Variants in USP53 observed in about 807,000 individuals in gnomAD.
The protein encoded by USP53 is ubiquitin carboxyl-terminal hydrolase 53.
A neutral mutation model predicts 94.9 loss-of-function variants in USP53; 71 were observed. The observed-to-expected ratio is 0.75, with a 90% CI of 0.62 to 0.91. USP53 has a LOEUF of 0.91. Ranked by LOEUF, USP53 falls within the 40% of genes least tolerant of loss-of-function variation. USP53 has a pLI of 0.00. For synonymous variants in USP53, 375 were observed against 422.7 expected, an observed-to-expected ratio of 0.89 and a Z score of 1.39; for missense variants, 1,173 against 1,281.0, an observed-to-expected ratio of 0.92 and a Z score of 1.29.
At chr4:119,226,557 A>G (rs1051515739) in intron 3 of USP53, among the ~76,000 whole-genome samples, 1 of 152,198 alleles carries the variant, frequency 6.6e-6, no homozygotes, top group Non-Finnish European at 1.5e-5. Context: ...TTAAAAATAT[A>G]TATGTATAAC....
At chr4:119,289,364 T>C (rs1482013616) in intron 17 of USP53, among the ~76,000 whole-genome samples, 1 of 152,228 alleles carries the variant, frequency 6.6e-6, no homozygotes, top group Non-Finnish European at 1.5e-5. Flanking sequence ...ATTATTGTTT[T>C]TGCGTCATCA....
intron 1 of USP53, 93 bp from the exon 2 acceptor site, chr4:119,213,977 C>T (rs998030055): frequency 6.6e-6 from 1 of 152,058 alleles, no homozygotes; most frequent in African/African-American, 2.4e-5. Context: ...CTGATTTTCA[C>T]TATTTAAAAT....
chr4:119,224,453 G>T (rs1448365458), intron 3 of USP53, among the ~76,000 whole-genome samples: 2 of 152,200 alleles, frequency 1.3e-5, no homozygotes, highest in African/African-American at 4.8e-5. Context: ...TTAAACTTGT[G>T]TTTCTTAGCA....
chr4:119,280,021 A>G, intron 17 of USP53, among the ~76,000 whole-genome samples: 1 of 151,940 alleles, frequency 6.6e-6, no homozygotes, highest in East Asian at 1.9e-4. Context: ...AGTGAGATGA[A>G]CCCGGTACCT....
At chr4:119,286,840 T>G (rs1427213530) in intron 17 of USP53, among the ~76,000 whole-genome samples, 1 of 152,070 alleles carries the variant, frequency 6.6e-6, no homozygotes, top group African/African-American at 2.4e-5. Flanking sequence ...CTTTTTTTAA[T>G]CATAAAATAG....
Position 119,293,128 on chromosome 4 carries a change from G to T in USP53, c.3139G>T (p.Asp1047Tyr), listed in dbSNP as rs547356356. ...TTTTTCAGTTGATAGCTGCATGACG[G>T]ATACATATAGATTGAAATACCATCA... ...TYFSVDSCMTDTYRLKYHQRP... is the reference protein window; with the variant it reads ...TYFSVDSCMTYTYRLKYHQRP... The change falls in exon 19 of 19, where the codon GAT (aspartate) becomes TAT (tyrosine). Residue 1047 changes from aspartate (D) to tyrosine (Y), a missense_variant. Asp to Tyr is a radical substitution (Grantham distance 160). Transcript: ENST00000692078. The T allele has an allele frequency of 1.4e-5, 22 of 1,613,538 alleles. No homozygotes were observed. In the South Asian group the frequency reaches 2.3e-4, roughly 17 times the overall value.
intron 9 of USP53, among the ~76,000 whole-genome samples, chr4:119,257,486 A>G (rs942922543): frequency 1.3e-5 from 2 of 152,200 alleles, no homozygotes; most frequent in Non-Finnish European, 2.9e-5. Flanking sequence ...AACATTGAGT[A>G]AGATCATAAA....
intron 4 of USP53, 52 bp from the exon 5 acceptor site, chr4:119,239,166 A>G (rs1747190408): frequency 6.6e-6 from 1 of 152,012 alleles, no homozygotes; most frequent in African/African-American, 2.4e-5. Context: ...TAAAGTTAAG[A>G]ATTTTCTTAT....
In USP53 at chr4:119,256,537, A is replaced by C; in HGVS notation, c.569+14A>C. On this transcript the variant is annotated intron_variant, in intron 9 of 18. Transcript: ENST00000692078. ...AACAGCCTTATGGTAAGAACCTATT[A>C]AAGCTTAATTATCAACGATATTAAT... 5.0e-6 allele frequency: 8 copies of C among 1,612,086 alleles called. No individual in the cohort carries two copies. Among genetic ancestry groups the C allele is most frequent in the Non-Finnish European group, 6.8e-6 (8 of 1,178,206 alleles).
At chr4:119,245,507 G>T (rs1748115141) in intron 6 of USP53, 78 bp downstream of exon 6, 2 of 1,245,664 alleles carry the variant, frequency 1.6e-6, no homozygotes, top group Non-Finnish European at 2.3e-6. Context: ...GGGTCAGTTT[G>T]TTGTAACTAA....
intron 17 of USP53, 63 bp from the exon 18 acceptor site, chr4:119,291,102 C>G: frequency 2.6e-6 from 2 of 782,342 alleles, no homozygotes; most frequent in Non-Finnish European, 3.9e-6. Context: ...GAAATAAATT[C>G]TGTAACATAA....
intron 18 of USP53, among the ~76,000 whole-genome samples, chr4:119,291,641 A>G (rs1365567385): frequency 1.3e-5 from 2 of 152,184 alleles, no homozygotes; most frequent in East Asian, 1.9e-4. Context: ...CATATAAGAA[A>G]AATAATTTGC....
At chr4:119,256,614 A>T in intron 9 of USP53, 91 bp downstream of exon 9, 1 of 1,303,410 alleles carries the variant, frequency 7.7e-7, no homozygotes, top group Non-Finnish European at 1.1e-6. Context: ...AGCATACATG[A>T]ATTTCCCCTC....
Position 119,264,675 on chromosome 4 carries a change from C to A in USP53, c.973-2645C>A, listed in dbSNP as rs193060024. Among the ~76,000 whole-genome samples, 385 of 152,194 alleles carry A rather than the reference C, an allele frequency of 2.5e-3. 2 individuals carry two copies. Among genetic ancestry groups the A allele is most frequent in the Middle Eastern group, 6.8e-3 (2 of 294 alleles). ...TTGTAATGGCCAAAATTAAAAAGAC[C>A]AGTAGTTGGTGAGGATAGGAACAGC... On this transcript the variant is annotated intron_variant, in intron 12 of 18. Coordinates refer to ENST00000692078, the MANE Select transcript of USP53 (RefSeq NM_001371395.1).
chr4:119,218,499 G>T (rs549247417), intron 3 of USP53: 1 of 152,152 alleles, frequency 6.6e-6, no homozygotes, highest in Non-Finnish European at 1.5e-5. Flanking sequence ...GAGCAAAAAA[G>T]TGGAAACATT....
At chr4:119,262,427 C>G (rs1250374171) in intron 12 of USP53, among the ~76,000 whole-genome samples, 1 of 152,162 alleles carries the variant, frequency 6.6e-6, no homozygotes, top group African/African-American at 2.4e-5. Context: ...CAACAGCCTA[C>G]TATTGACAGG....
rs575411712 is a variant in USP53, at chr4:119,217,088, T to C, written c.-788-462T>C. ...GATTGAGTAGTTGAGCAATGTGTTG[T>C]AAACTTTATATCAGAGGAGGAATAA... On this transcript the variant is annotated intron_variant, in intron 2 of 18. Coordinates refer to ENST00000692078, the MANE Select transcript of USP53 (RefSeq NM_001371395.1). 5.3e-5 allele frequency among the ~76,000 whole-genome samples: 8 copies of C among 152,322 alleles called. No individual in the cohort carries two copies. The South Asian group carries it at 1.7e-3, about 32-fold the overall frequency.
At position 119,239,634 on chromosome 4, in the gene USP53, A is replaced by C; in HGVS notation, c.-126A>C. ...ACATCAGGAAAGATATGGACTTGGA[A>C]ACTTACATTATTAAAATAGACTGCA... On this transcript the variant is annotated 5_prime_UTR_variant, in exon 5 of 19. Coordinates refer to ENST00000692078, the MANE Select transcript of USP53 (RefSeq NM_001371395.1). 1 of 1,142,632 alleles carries C rather than the reference A, an allele frequency of 8.8e-7. No individual in the cohort carries two copies. The highest frequency in any genetic ancestry group is 1.2e-6 in the Non-Finnish European group (1 of 833,720). The allele number at this position is 1,142,632 out of a possible 1,614,324, so 70.8% of individuals were successfully genotyped here. A position where few individuals can be genotyped will look rare whatever the true frequency, so the allele number is the denominator to read the frequency against.
chr4:119,246,495 A>G (rs898402361), intron 6 of USP53, among the ~76,000 whole-genome samples: 5 of 152,226 alleles, frequency 3.3e-5, no homozygotes, highest in African/African-American at 1.2e-4. Context: ...CCAGCATTCA[A>G]ACTGTCCAAA....
Sources: gnomAD v4.1 joint callset for allele counts (sites outside exome capture counted in the v4.1 genomes callset) on GRCh38, gnomAD v4.1.1 for gene constraint, MANE v1.5 for transcripts, NCBI Gene and HGNC (gene_info 2026-07-23, HGNC 2026-07-21) for gene names.